Variants in NDUFS4 observed in about 807,000 individuals in gnomAD.
NDUFS4 encodes NADH dehydrogenase [ubiquinone] iron-sulfur protein 4, mitochondrial.
NDUFS4 carries 28 observed loss-of-function variants against 24.3 expected under a neutral mutation model. The observed-to-expected ratio is 1.15, with a 90% CI of 0.85 to 1.58. NDUFS4 has a LOEUF of 1.58. NDUFS4 is among the 40% of genes most tolerant of loss of function. The pLI is 0.00. For missense variants in NDUFS4, 223 were observed against 207.9 expected, an observed-to-expected ratio of 1.07 and a Z score of -0.45; for synonymous variants, 93 against 69.7, an observed-to-expected ratio of 1.34 and a Z score of -1.67.
intron 4 of NDUFS4, among the ~76,000 whole-genome samples, chr5:53,672,959 C>G (rs1236148783): frequency 6.6e-6 from 1 of 151,978 alleles, no homozygotes; most frequent in Non-Finnish European, 1.5e-5. Flanking sequence ...CTAGAAGATG[C>G]AAGATTTAAA....
chr5:53,566,327 GA>G lies in NDUFS4; in HGVS notation c.98+5568del, dbSNP rs778321175. On this transcript the variant is annotated intron_variant, in intron 1 of 4. Transcript: ENST00000296684. ...TGAATACAAACAATTTCAAATGGAA[GA>G]GCTTCTAAAACATGTCCCTTGGTAG... Among the ~76,000 whole-genome samples, 27 of 152,304 alleles carry G rather than the reference GA, an allele frequency of 1.8e-4. No individual in the cohort carries two copies. In the South Asian group the frequency reaches 2.9e-3, roughly 16 times the overall value.
At chr5:53,585,815 T>C (rs1749734920) in intron 1 of NDUFS4, among the ~76,000 whole-genome samples, 1 of 152,180 alleles carries the variant, frequency 6.6e-6, no homozygotes, top group African/African-American at 2.4e-5. Flanking sequence ...TGTAATTTAT[T>C]TTTATGTGTC....
At chr5:53,626,269 C>T (rs1253397710) in intron 2 of NDUFS4, among the ~76,000 whole-genome samples, 1 of 152,112 alleles carries the variant, frequency 6.6e-6, no homozygotes, top group African/African-American at 2.4e-5. Flanking sequence ...GCCACATTTT[C>T]TTTATCCAGT....
chr5:53,596,079 A>G (rs1464976921), intron 1 of NDUFS4, among the ~76,000 whole-genome samples: 2 of 152,154 alleles, frequency 1.3e-5, no homozygotes, highest in Admixed American at 1.3e-4. Flanking sequence ...AATTTAAACA[A>G]AGCATTTGTG....
At chr5:53,562,505 A>G (rs1748881148) in intron 1 of NDUFS4, among the ~76,000 whole-genome samples, 1 of 152,212 alleles carries the variant, frequency 6.6e-6, no homozygotes, top group African/African-American at 2.4e-5. Flanking sequence ...TTGTTACTAC[A>G]TATCCAAACT....
intron 4 of NDUFS4, among the ~76,000 whole-genome samples, chr5:53,669,696 A>C (rs1450783001): frequency 6.6e-6 from 1 of 152,186 alleles, no homozygotes; most frequent in Non-Finnish European, 1.5e-5. Context: ...GGGGATAAAT[A>C]AGGCATAGTT....
intron 1 of NDUFS4, among the ~76,000 whole-genome samples, chr5:53,590,237 G>T (rs1194384149): frequency 6.6e-6 from 1 of 152,122 alleles, no homozygotes; most frequent in Non-Finnish European, 1.5e-5. Context: ...GAGTAAACTG[G>T]TTAATTGGAC....
intron 1 of NDUFS4, among the ~76,000 whole-genome samples, chr5:53,602,314 A>G (rs376184706): frequency 1.3e-5 from 2 of 152,294 alleles, no homozygotes; most frequent in African/African-American, 4.8e-5. Context: ...AATCATCTAG[A>G]GTTATTTCCA....
intron 1 of NDUFS4, among the ~76,000 whole-genome samples, chr5:53,571,468 A>G (rs922913198): frequency 3.3e-5 from 5 of 152,240 alleles, no homozygotes; most frequent in African/African-American, 7.2e-5. Context: ...TTTTGGCTAC[A>G]TGAATAGTGT....
intron 1 of NDUFS4, among the ~76,000 whole-genome samples, chr5:53,597,912 A>G (rs1750178529): frequency 6.6e-6 from 1 of 152,240 alleles, no homozygotes; most frequent in African/African-American, 2.4e-5. Flanking sequence ...ACAATAAGAA[A>G]ACAAGCAACC....
chr5:53,622,925 TTC>T (rs1751097622), intron 2 of NDUFS4, among the ~76,000 whole-genome samples: 1 of 152,172 alleles, frequency 6.6e-6, no homozygotes, highest in Non-Finnish European at 1.5e-5. Context: ...CTATTATACT[TTC>T]TGTGTTATAG....
chr5:53,634,643 G>A (rs1751498634), intron 2 of NDUFS4, among the ~76,000 whole-genome samples: 1 of 151,310 alleles, frequency 6.6e-6, no homozygotes, highest in African/African-American at 2.4e-5. Context: ...CCTTCCCTGT[G>A]GGTCTTGCTT....
At chr5:53,600,697 T>C (rs1288358841) in intron 1 of NDUFS4, among the ~76,000 whole-genome samples, 1 of 152,226 alleles carries the variant, frequency 6.6e-6, no homozygotes, top group Non-Finnish European at 1.5e-5. Flanking sequence ...AGAAAAACTT[T>C]TCTCCACATC....
chr5:53,644,365 C>T (rs1401961081), intron 2 of NDUFS4, among the ~76,000 whole-genome samples: 1 of 152,054 alleles, frequency 6.6e-6, no homozygotes, highest in Non-Finnish European at 1.5e-5. Flanking sequence ...CTATAACATG[C>T]TTATAGTGTT....
intron 1 of NDUFS4, among the ~76,000 whole-genome samples, chr5:53,571,932 T>G (rs1267258661): frequency 6.6e-6 from 1 of 152,234 alleles, no homozygotes; most frequent in Middle Eastern, 3.2e-3. Context: ...ACAAATTCTT[T>G]GTCATGTATG....
At chr5:53,621,775 C>T (rs1236234095) in intron 2 of NDUFS4, among the ~76,000 whole-genome samples, 1 of 141,082 alleles carries the variant, frequency 7.1e-6, no homozygotes, top group Non-Finnish European at 1.5e-5. Context: ...GATCTCAACT[C>T]ACTGCAAGCT....
intron 4 of NDUFS4, among the ~76,000 whole-genome samples, chr5:53,659,337 T>C (rs1159315273): frequency 1.3e-5 from 2 of 152,208 alleles, no homozygotes; most frequent in Admixed American, 1.3e-4. Flanking sequence ...CAGACTAATA[T>C]GGATTCTAAT....
chr5:53,570,844 C>T (rs1256257323), intron 1 of NDUFS4, among the ~76,000 whole-genome samples: 4 of 151,758 alleles, frequency 2.6e-5, no homozygotes, highest in East Asian at 1.9e-4. Context: ...CCACCATGCC[C>T]GGCTAATTTT....
intron 2 of NDUFS4, among the ~76,000 whole-genome samples, chr5:53,626,430 G>A (rs1212566143): frequency 6.6e-6 from 1 of 152,156 alleles, no homozygotes; most frequent in Non-Finnish European, 1.5e-5. Flanking sequence ...GGTATTTCTA[G>A]TTCTAGATCC....
Sources: gnomAD v4.1 joint callset for allele counts (sites outside exome capture counted in the v4.1 genomes callset) on GRCh38, gnomAD v4.1.1 for gene constraint, MANE v1.5 for transcripts, NCBI Gene and HGNC (gene_info 2026-07-23, HGNC 2026-07-21) for gene names.